Variants in MAP3K20 observed in about 807,000 individuals in gnomAD.
MAP3K20 encodes HCCS-4.
MAP3K20 carries 40 observed loss-of-function variants against 85.7 expected under a neutral mutation model. The ratio of observed to expected loss-of-function variants is 0.47; its 90% confidence interval spans 0.36 to 0.61. MAP3K20 has a LOEUF of 0.61. MAP3K20 is among the 20% of genes least tolerant of loss of function. The pLI, the probability that MAP3K20 is intolerant of heterozygous loss-of-function variation, is 0.00. For synonymous variants in MAP3K20, 325 were observed against 327.7 expected, an observed-to-expected ratio of 0.99 and a Z score of 0.09; for missense variants, 817 against 961.7, an observed-to-expected ratio of 0.85 and a Z score of 1.99.
At chr2:173,234,532 G>A (rs1373090476) in intron 14 of MAP3K20, among the ~76,000 whole-genome samples, 1 of 152,208 alleles carries the variant, frequency 6.6e-6, no homozygotes, top group Non-Finnish European at 1.5e-5. Context: ...GTGGGAGATG[G>A]AGAGGGTAAA....
At chr2:173,175,017 C>T (rs902808364) in intron 3 of MAP3K20, among the ~76,000 whole-genome samples, 3 of 152,152 alleles carry the variant, frequency 2.0e-5, no homozygotes, top group African/African-American at 7.2e-5. Flanking sequence ...TCAGTGACAT[C>T]CCGCAGTTGG....
rs1195288793 is a variant in MAP3K20, at chr2:173,151,628, G to A, written c.160-18177G>A. On this transcript the variant is annotated intron_variant, in intron 2 of 19. Transcript: ENST00000375213. ...TATGTAACATTATCGAAATGTGCAG[G>A]CATGTACATCTATGTGATTTTGAGA... 2.6e-5 allele frequency among the ~76,000 whole-genome samples: 4 copies of A among 152,192 alleles called. No homozygotes were observed. The East Asian group carries it at 7.7e-4, about 29-fold the overall frequency.
chr2:173,133,603 C>G (rs1445214410), intron 2 of MAP3K20, among the ~76,000 whole-genome samples: 2 of 152,068 alleles, frequency 1.3e-5, no homozygotes, highest in African/African-American at 4.8e-5. Flanking sequence ...CAAGACCAAC[C>G]TTTCTAATTT....
In MAP3K20 at chr2:173,238,369, A is replaced by G. The variant is rs753443116; in HGVS notation, c.1204-4A>G. The G allele has an allele frequency of 6.2e-7, 1 of 1,609,042 alleles. No homozygotes were observed. The highest frequency in any genetic ancestry group is 8.5e-7 in the Non-Finnish European group (1 of 1,176,932). On this transcript the variant is annotated splice_polypyrimidine_tract_variant and splice_region_variant and intron_variant, in intron 14 of 19. Transcript: ENST00000375213. Reference sequence around the variant, plus strand: ...TTAATAAAGTCATATGATTTTTTTTACAGTCAGCCATTGAGAAATTAACCC... The same window carrying G: ...TTAATAAAGTCATATGATTTTTTTTGCAGTCAGCCATTGAGAAATTAACCC...
At chr2:173,194,258 G>A (rs1690752480) in intron 7 of MAP3K20, among the ~76,000 whole-genome samples, 1 of 152,092 alleles carries the variant, frequency 6.6e-6, no homozygotes, top group Admixed American at 6.5e-5. Context: ...ATAGGTTGAT[G>A]CAAAAGTAAT....
intron 2 of MAP3K20, among the ~76,000 whole-genome samples, chr2:173,127,147 G>A (rs1688468126): frequency 1.3e-5 from 2 of 152,178 alleles, no homozygotes; most frequent in South Asian, 4.1e-4. Context: ...ACCACCCAGT[G>A]ACCATTTCTA....
intron 5 of MAP3K20, among the ~76,000 whole-genome samples, chr2:173,188,425 C>T (rs1232092047): frequency 2.0e-5 from 3 of 152,096 alleles, no homozygotes; most frequent in Non-Finnish European, 2.9e-5. Flanking sequence ...CTAAATGCTC[C>T]TTCTCAGTAA....
intron 2 of MAP3K20, among the ~76,000 whole-genome samples, chr2:173,143,229 G>A (rs1482939921): frequency 6.6e-6 from 1 of 151,958 alleles, no homozygotes; most frequent in African/African-American, 2.4e-5. Context: ...GGAACCAAAA[G>A]TATTACTAAA....
At position 173,209,793 on chromosome 2, in the gene MAP3K20, C is replaced by T. The variant is rs140217511; in HGVS notation, c.809C>T (p.Pro270Leu). ...TCCATGTCAAATGACACGAGCCTTC[C>T]TGACAAGTGTAACTCATTCCTACAC... ...LESMSNDTSL[P>L]DKCNSFLHNK... The change falls in exon 10 of 20, where the codon CCT becomes CTT. Residue 270 changes from proline to leucine, a missense_variant. By Grantham distance (98) the Pro-to-Leu change is moderately conservative. Coordinates refer to ENST00000375213, the MANE Select transcript of MAP3K20 (RefSeq NM_016653.3). 1 of 1,614,108 alleles carries T rather than the reference C, an allele frequency of 6.2e-7. No individual in the cohort carries two copies. Among genetic ancestry groups the T allele is most frequent in the Non-Finnish European group, 8.5e-7 (1 of 1,180,006 alleles).
chr2:173,266,683 G>A lies in MAP3K20; in HGVS notation c.2336G>A (p.Arg779Lys), dbSNP rs778244488. ...TKVEYRKKPHRPSPAKTNKER... is the reference protein window; with the variant it reads ...TKVEYRKKPHKPSPAKTNKER... ...GTGGAATACCGGAAAAAGCCCCACAGGCCATCTCCCGCCAAAACCAATAAA... is the reference window on the plus strand; with the variant it reads ...GTGGAATACCGGAAAAAGCCCCACAAGCCATCTCCCGCCAAAACCAATAAA... Residue 779 changes from arginine to lysine, a missense_variant, in exon 20 of 20, where the codon AGG (arginine) becomes AAG (lysine). By Grantham distance (26) the Arg-to-Lys change is conservative. Coordinates refer to ENST00000375213, the MANE Select transcript of MAP3K20 (RefSeq NM_016653.3). 11 of 1,603,854 alleles carry A rather than the reference G, an allele frequency of 6.9e-6. No homozygotes were observed. In the South Asian group the frequency reaches 8.9e-5, roughly 13 times the overall value.
intron 2 of MAP3K20, among the ~76,000 whole-genome samples, chr2:173,152,861 T>G (rs1187173328): frequency 6.6e-6 from 1 of 152,202 alleles, no homozygotes; most frequent in Admixed American, 6.5e-5. Flanking sequence ...AAGAATATAG[T>G]GAAGGCACAC....
chr2:173,266,423 T>C lies in MAP3K20; in HGVS notation c.2076T>C (p.Pro692=). 1 of 1,614,088 alleles carries C rather than the reference T, an allele frequency of 6.2e-7. No homozygotes were observed. Among genetic ancestry groups the C allele is most frequent in the East Asian group, 2.2e-5 (1 of 44,878 alleles). The stretch of plus-strand genomic sequence containing the variant: ...GTAGTATATCACTCAATTCTTCTCC[T>C]AGAGGAAGATACAGTGGAAAGAGTC... ...GRGSISLNSS[P]RGRYSGKSQH... The change falls in exon 20 of 20, where the codon CCT becomes CCC. Residue 692 remains proline (P), a synonymous_variant. Transcript: ENST00000375213.
intron 2 of MAP3K20, among the ~76,000 whole-genome samples, chr2:173,110,422 T>TA (rs992382374): frequency 6.7e-6 from 1 of 150,286 alleles, no homozygotes; most frequent in African/African-American, 2.5e-5. Flanking sequence ...CCTGGCTAAT[T>TA]AAAAAAAATT....
At chr2:173,106,279 A>G (rs949920961) in intron 2 of MAP3K20, among the ~76,000 whole-genome samples, 2 of 152,224 alleles carry the variant, frequency 1.3e-5, no homozygotes, top group Admixed American at 6.5e-5. Flanking sequence ...TTGTACTACA[A>G]ACTTATTTGA....
At position 173,264,077 on chromosome 2, in the gene MAP3K20, A is replaced by G. The variant is rs4972541; in HGVS notation, c.1702+182A>G. Among the ~76,000 whole-genome samples, 17,894 of 152,208 alleles carry G rather than the reference A, an allele frequency of 0.12. 1,219 individuals carry two copies. The highest frequency in any genetic ancestry group is 0.18 in the Admixed American group (2,829 of 15,294). On this transcript the variant is annotated intron_variant, in intron 19 of 19. Transcript: ENST00000375213. ...CCAATAATTCCCCAAGTGTGGCCCC[A>G]GGACCAGGAGCATCGGGATCACCTG...
At chr2:173,120,701 C>CTTTTTTTTTT (rs56084110) in intron 2 of MAP3K20, among the ~76,000 whole-genome samples, 2 of 49,214 alleles carry the variant, frequency 4.1e-5, no homozygotes, top group African/African-American at 9.4e-5. Flanking sequence ...ACTCTCACTT[C>CTTTTTTTTTT]TTTTTTTTTT....
chr2:173,080,311 C>G (rs769528593), intron 1 of MAP3K20, among the ~76,000 whole-genome samples: 1 of 152,226 alleles, frequency 6.6e-6, no homozygotes, highest in Non-Finnish European at 1.5e-5. Flanking sequence ...TACTACATCT[C>G]TCAAGTTATA....
chr2:173,248,871 G>T (rs763500433), intron 16 of MAP3K20, among the ~76,000 whole-genome samples: 3 of 152,150 alleles, frequency 2.0e-5, no homozygotes, highest in Non-Finnish European at 2.9e-5. Context: ...TTAAAATAGT[G>T]ATGTACATGA....
intron 2 of MAP3K20, among the ~76,000 whole-genome samples, chr2:173,138,676 G>A (rs1382228904): frequency 1.3e-5 from 2 of 152,130 alleles, no homozygotes; most frequent in Non-Finnish European, 2.9e-5. Context: ...CTGGTTTGGA[G>A]CTCTTACACC....
Sources: allele counts gnomAD v4.1 joint callset (sites outside exome capture counted in the v4.1 genomes callset), GRCh38; gene constraint gnomAD v4.1.1; transcripts MANE v1.5; gene names NCBI Gene and HGNC (gene_info 2026-07-23, HGNC 2026-07-21).